BCAR1: variants seen among roughly 807,000 people sequenced by gnomAD.
BCAR1 encodes BCAR1 scaffold protein, Cas family member.
A neutral mutation model predicts 67.6 loss-of-function variants in BCAR1; 30 were observed. That is an observed-to-expected ratio of 0.44 (90% CI 0.33 to 0.60). The LOEUF (loss-of-function observed/expected upper bound fraction) is 0.60, where lower values mean the gene tolerates loss of function less well. BCAR1 is among the 20% of genes least tolerant of loss of function. The pLI, the probability that BCAR1 is intolerant of heterozygous loss-of-function variation, is 0.02. For synonymous variants in BCAR1, 626 were observed against 556.7 expected (o/e 1.12, Z -1.75); for missense variants, 1,313 against 1,222.3 (o/e 1.07, Z -1.11).
Position 75,267,922 on chromosome 16 carries a change from CA to C in BCAR1, c.58del (p.Cys20AlafsTer29), listed in dbSNP as rs1055298156. ...GCTAGAGCCCTCACTTACTCTGAGG[CA>C]GGGATCCTTGGGTGTGGGCCTGGGG... On this transcript the variant is annotated frameshift_variant, in exon 1 of 7. Transcript: ENST00000393422. LOFTEE classifies it high-confidence loss of function. 1.2e-6 allele frequency: 2 copies of C among 1,602,190 alleles called. No individual in the cohort carries two copies. The highest frequency in any genetic ancestry group is 2.7e-5 in the African/African-American group (2 of 74,768).
rs2076791046 is a variant in BCAR1 at position 75,228,811 on chromosome 16, GCCCAGGCTCTGCCCTGGCT to G, written c.*681_*699del. ...GCTCTGAAACTGCCCCCTTTCTTGG[GCCCAGGCTCTGCCCTGGCT>G]CCCAGGGCCTTGTGGCCAGCTGCAG... On this transcript the variant is annotated 3_prime_UTR_variant, in exon 7 of 7. Transcript: ENST00000162330. 1 of 152,284 alleles carries G rather than the reference GCCCAGGCTCTGCCCTGGCT, an allele frequency of 6.6e-6. No individual in the cohort carries two copies. The highest frequency in any genetic ancestry group is 1.5e-5 in the Non-Finnish European group (1 of 68,098). 9.4% of individuals were successfully genotyped at this position (152,284 alleles called of 1,614,324 possible).
intron 1 of BCAR1, chr16:75,250,764 A>C (rs1249060625): frequency 1.0e-6 from 1 of 985,292 alleles, no homozygotes; most frequent in Non-Finnish European, 1.2e-6. Context: ...CAAAGCCTTC[A>C]TGTCCACACT....
intron 1 of BCAR1, chr16:75,250,880 C>G: frequency 1.0e-6 from 1 of 985,530 alleles, no homozygotes; most frequent in African/African-American, 1.7e-5. Context: ...CTGCAAAGCC[C>G]GCGGCGCGCC....
intron 1 of BCAR1, among the ~76,000 whole-genome samples, chr16:75,258,196 C>G (rs1032879651): frequency 6.6e-6 from 1 of 152,226 alleles, no homozygotes; most frequent in African/African-American, 2.4e-5. Context: ...CGCAACCAAG[C>G]CCTCCCTGCT....
intron 6 of BCAR1, among the ~76,000 whole-genome samples, chr16:75,231,612 C>T (rs910655092): frequency 6.6e-6 from 1 of 152,232 alleles, no homozygotes; most frequent in African/African-American, 2.4e-5. Flanking sequence ...CTTTAAAGTT[C>T]TTCACATATA....
Position 75,235,055 on chromosome 16 carries a change from G to A in BCAR1, c.1844C>T (p.Pro615Leu), listed in dbSNP as rs748939995. The change falls in exon 5 of 7, where the codon CCT becomes CTT. Residue 615 changes from proline to leucine, a missense_variant. By Grantham distance (98) the Pro-to-Leu change is moderately conservative. Transcript: ENST00000162330. Reference sequence around the variant, plus strand: ...GGGGTGCAGGGTGCCACCCCCCTCAGGCCCCGGGGCAGTGGCCTTGGTCCG... The same window carrying A: ...GGGGTGCAGGGTGCCACCCCCCTCAAGCCCCGGGGCAGTGGCCTTGGTCCG... ...FRRTKATAPG[P>L]EGGGTLHPNP... is the part of the protein sequence containing the mutation. 2.5e-6 allele frequency: 4 copies of A among 1,613,204 alleles called. No homozygotes were observed. The African/African-American group carries it at 4.0e-5, about 16-fold the overall frequency.
At chr16:75,253,552 C>G (rs2077718960), upstream of BCAR1, among the ~76,000 whole-genome samples, 1 of 152,180 alleles carries the variant, frequency 6.6e-6, no homozygotes, top group South Asian at 2.1e-4. Flanking sequence ...TAGAACAGCA[C>G]TGGGGGTGGG....
intron 2 of BCAR1, chr16:75,239,198 G>T: frequency 2.4e-6 from 2 of 833,126 alleles, no homozygotes; most frequent in Non-Finnish European, 2.9e-6. Flanking sequence ...AGGCCACCCT[G>T]CTGCACACCT....
At chr16:75,267,445 G>A (rs1274104350) in intron 1 of BCAR1, among the ~76,000 whole-genome samples, 1 of 150,844 alleles carries the variant, frequency 6.6e-6, no homozygotes, top group Non-Finnish European at 1.5e-5. Context: ...CTCAAAGGGC[G>A]CTCTGTGCAT....
upstream of BCAR1, among the ~76,000 whole-genome samples, chr16:75,254,858 A>G (rs554353290): frequency 7.9e-4 from 120 of 152,188 alleles, no homozygotes; most frequent in Non-Finnish European, 1.6e-3. Context: ...ACACCAGGAC[A>G]CTAAGTGTCT....
At chr16:75,241,686 C>T (rs1293349478) in intron 2 of BCAR1, among the ~76,000 whole-genome samples, 1 of 152,230 alleles carries the variant, frequency 6.6e-6, no homozygotes, top group Non-Finnish European at 1.5e-5. Flanking sequence ...GGGTACCAGG[C>T]CACCCATGGG....
intron 1 of BCAR1, among the ~76,000 whole-genome samples, chr16:75,267,394 C>CGGGGG (rs66513768): frequency 3.2e-5 from 4 of 124,810 alleles, no homozygotes; most frequent in African/African-American, 1.2e-4. Context: ...CACAGCAAGC[C>CGGGGG]GGGGGGGGGG....
At chr16:75,263,350 G>A (rs2077945089) in intron 1 of BCAR1, 1 of 985,326 alleles carries the variant, frequency 1.0e-6, no homozygotes, top group African/African-American at 1.7e-5. Flanking sequence ...CCTTCCAAAT[G>A]TGTCCTCTCA....
Position 75,238,235 on chromosome 16 carries a change from G to A in BCAR1, c.634-891C>T, listed in dbSNP as rs1046275782. 1.9e-5 allele frequency: 23 copies of A among 1,180,058 alleles called. No individual in the cohort carries two copies. The South Asian group carries it at 2.0e-4, about 10-fold the overall frequency. The allele number at this position is 1,180,058 out of a possible 1,614,324, so 73.1% of individuals were successfully genotyped here. A position where few individuals can be genotyped will look rare whatever the true frequency, so the allele number is the denominator to read the frequency against. ...ATGCCAGGCAGCCTCCTTCCCTGAAGGTCTCCCTGCCTTGGGGAGGTCAAG... is the reference window on the plus strand; with the variant it reads ...ATGCCAGGCAGCCTCCTTCCCTGAAAGTCTCCCTGCCTTGGGGAGGTCAAG... On this transcript the variant is annotated intron_variant, in intron 2 of 6. Coordinates refer to ENST00000162330, the MANE Select transcript of BCAR1 (RefSeq NM_014567.5).
Position 75,233,919 on chromosome 16 carries a change from T to A in BCAR1, c.2027A>T (p.Glu676Val). The A allele has an allele frequency of 1.9e-6, 3 of 1,608,578 alleles. No individual in the cohort carries two copies. The highest frequency in any genetic ancestry group is 2.5e-6 in the Non-Finnish European group (3 of 1,177,578). Residue 676 changes from glutamate (E) to valine (V), a missense_variant, in exon 6 of 7, where the codon GAG (glutamate) becomes GTG (valine). This residue lies in a region of BCAR1 where 1,272 missense variants were observed against 1,137.5 expected (regional missense o/e 1.12). Coordinates refer to ENST00000162330, the MANE Select transcript of BCAR1 (RefSeq NM_014567.5). ...TTCCAGCAGCTCCTTCTGGGTCTTC[T>A]CAAACTCCTCCTTCCCCTGGAGGGC... ...YVHLQGKEEF[E>V]KTQKELLEKG...
At chr16:75,247,904 G>A in intron 1 of BCAR1, 1 of 706,818 alleles carries the variant, frequency 1.4e-6, no homozygotes, top group Non-Finnish European at 2.6e-6. Context: ...AGGGTTGGGG[G>A]CAGACAAGGA....
rs144539653 is a variant in BCAR1 at position 75,263,770 on chromosome 16, C to T, written c.66+4145G>A. On this transcript the variant is annotated intron_variant, in intron 1 of 6. Coordinates refer to the BCAR1 transcript ENST00000393422. ...CTTAAAACCCAGACGTGTCCCTGAG[C>T]AGTCGCCACTCTGGGTTCCAAGGGC... is the stretch of plus-strand genomic sequence containing the variant. 1,526 of 986,720 alleles carry T rather than the reference C, an allele frequency of 1.5e-3. 16 individuals carry two copies. In the African/African-American group the frequency reaches 0.021, roughly 14 times the overall value. 61.1% of individuals were successfully genotyped at this position (986,720 alleles called of 1,614,324 possible). A position where few individuals can be genotyped will look rare whatever the true frequency, so the allele number is the denominator to read the frequency against.
At chr16:75,248,260 C>T in intron 1 of BCAR1, 2 of 1,471,588 alleles carry the variant, frequency 1.4e-6, no homozygotes, top group Admixed American at 2.3e-5. Flanking sequence ...CCTGTCCACG[C>T]CCCCAACGCA....
intron 2 of BCAR1, among the ~76,000 whole-genome samples, chr16:75,240,560 G>A (rs1047406790): frequency 7.2e-5 from 11 of 152,230 alleles, no homozygotes. Flanking sequence ...ACACAGGGCA[G>A]ATACTAGACA....
Sources: allele counts gnomAD v4.1 joint callset (sites outside exome capture counted in the v4.1 genomes callset), GRCh38; gene constraint gnomAD v4.1.1; regional missense constraint gnomAD v4.1.1; transcripts MANE v1.5; gene names NCBI Gene and HGNC (gene_info 2026-07-23, HGNC 2026-07-21).